Variants in INTS4 observed in about 807,000 individuals in gnomAD.
INTS4 encodes MSTP093.
Under a neutral mutation model 119.5 loss-of-function variants are expected in INTS4, and 70 were observed. That is an observed-to-expected ratio of 0.59 (90% confidence interval 0.48 to 0.71). The LOEUF is 0.71. Among genes scored for constraint, INTS4 ranks in the 30% least tolerant of loss-of-function variants. INTS4 has a pLI of 0.00. For missense variants in INTS4, 867 were observed against 1,173.2 expected, an observed-to-expected ratio of 0.74 and a Z score of 3.81; for synonymous variants, 316 against 419.6, an observed-to-expected ratio of 0.75 and a Z score of 3.02.
chr11:77,966,523 C>A (rs1855508881), intron 4 of INTS4, among the ~76,000 whole-genome samples: 1 of 152,190 alleles, frequency 6.6e-6, no homozygotes, highest in Non-Finnish European at 1.5e-5. Context: ...ATGACCACTT[C>A]TCCCAGCATC....
At chr11:77,906,700 C>T (rs1952963261) in intron 16 of INTS4, among the ~76,000 whole-genome samples, 1 of 152,202 alleles carries the variant, frequency 6.6e-6, no homozygotes, top group African/African-American at 2.4e-5. Flanking sequence ...TATAGGCACA[C>T]CTGCACAACT....
intron 18 of INTS4, among the ~76,000 whole-genome samples, chr11:77,897,497 T>C (rs1364674065): frequency 1.3e-5 from 2 of 150,370 alleles, no homozygotes; most frequent in African/African-American, 2.5e-5. Context: ...CTCCAAGTTA[T>C]TATTATTATT....
chr11:77,886,858 T>TA (rs1223807385), intron 21 of INTS4, among the ~76,000 whole-genome samples: 1 of 151,932 alleles, frequency 6.6e-6, no homozygotes, highest in African/African-American at 2.4e-5. Context: ...ACTGGGTACA[T>TA]AACGAAATGA....
intron 17 of INTS4, among the ~76,000 whole-genome samples, chr11:77,901,965 C>A (rs1952790654): frequency 6.6e-6 from 1 of 152,082 alleles, no homozygotes; most frequent in African/African-American, 2.4e-5. Context: ...TGTTAGTTAT[C>A]CTGACAGACT....
chr11:77,939,571 G>A (rs797000455), intron 9 of INTS4, among the ~76,000 whole-genome samples: 27 of 152,264 alleles, frequency 1.8e-4, no homozygotes, highest in African/African-American at 6.3e-4. Context: ...GCCTAAGGTG[G>A]AATATACTGG....
chr11:77,949,301 A>G (rs1449360100), intron 8 of INTS4, among the ~76,000 whole-genome samples: 2 of 152,130 alleles, frequency 1.3e-5, no homozygotes, highest in African/African-American at 2.4e-5. Context: ...TTCAGGACAT[A>G]GGCATGGGCA....
chr11:77,978,782 T>C (rs1856060589), intron 4 of INTS4: 2 of 278,970 alleles, frequency 7.2e-6, no homozygotes, highest in Non-Finnish European at 7.0e-6. Context: ...GAGTGCATTA[T>C]TAGGCACAAT....
At chr11:77,964,981 C>T (rs1855437101) in intron 4 of INTS4, among the ~76,000 whole-genome samples, 1 of 152,118 alleles carries the variant, frequency 6.6e-6, no homozygotes, top group South Asian at 2.1e-4. Context: ...TACATGTATG[C>T]AATGTGGAAT....
intron 2 of INTS4, among the ~76,000 whole-genome samples, chr11:77,988,019 A>T (rs1312861882): frequency 1.7e-5 from 2 of 115,766 alleles, no homozygotes; most frequent in African/African-American, 5.3e-5. Context: ...AGCCAGTCTC[A>T]TAACCCAGTC....
rs1856219266 is a variant in INTS4 at position 77,981,519 on chromosome 11, T to G, written c.304A>C (p.Thr102Pro). Residue 102 changes from threonine (T) to proline (P), a missense_variant, in exon 3 of 23, where the codon ACA becomes CCA. Thr to Pro is a conservative substitution (Grantham distance 38). Around this residue, in one of 5 missense-constraint regions of INTS4, gnomAD observed 224 missense variants for 231.8 expected, o/e 0.97. Coordinates refer to ENST00000534064, the MANE Select transcript of INTS4 (RefSeq NM_033547.4). The part of the protein sequence containing the change: ...IASLLGLLSK[T>P]AGFSPDCIMD... ...ATGCAGTCTGGTGAAAATCCTGCTGTCTTTGATAATAAACCCAACAATGAT... is the reference window on the plus strand; with the variant it reads ...ATGCAGTCTGGTGAAAATCCTGCTGGCTTTGATAATAAACCCAACAATGAT... 1 of 1,586,058 alleles carries G rather than the reference T, an allele frequency of 6.3e-7. No homozygotes were observed. The highest frequency in any genetic ancestry group is 8.6e-7 in the Non-Finnish European group (1 of 1,165,152).
chr11:77,963,454 T>C (rs1166904575), intron 4 of INTS4: 1 of 432,476 alleles, frequency 2.3e-6, no homozygotes, highest in Non-Finnish European at 4.5e-6. Flanking sequence ...GCAGATGCTA[T>C]TTGGGTGTTA....
At chr11:77,919,709 C>G (rs916585531) in intron 14 of INTS4, among the ~76,000 whole-genome samples, 1 of 152,110 alleles carries the variant, frequency 6.6e-6, no homozygotes, top group Non-Finnish European at 1.5e-5. Context: ...TTTGGCCTAG[C>G]CCTACAGATA....
chr11:77,904,728 G>A (rs1591037881), intron 16 of INTS4, among the ~76,000 whole-genome samples: 1 of 152,068 alleles, frequency 6.6e-6, no homozygotes, highest in East Asian at 1.9e-4. Flanking sequence ...ATTAAGTTTG[G>A]GGATTAGATC....
intron 10 of INTS4, among the ~76,000 whole-genome samples, chr11:77,935,201 A>G (rs1181565558): frequency 2.0e-5 from 3 of 152,246 alleles, no homozygotes; most frequent in Non-Finnish European, 4.4e-5. Context: ...AGACAGAGAC[A>G]AAATATATGA....
At chr11:77,887,980 T>G (rs1184752883) in intron 21 of INTS4, among the ~76,000 whole-genome samples, 1 of 152,130 alleles carries the variant, frequency 6.6e-6, no homozygotes, top group Admixed American at 6.6e-5. Context: ...ATCAATATTG[T>G]GAAAATGGCC....
chr11:77,891,969 C>T, intron 19 of INTS4, 129 bp from the exon 20 acceptor site: 2 of 1,454,652 alleles, frequency 1.4e-6, no homozygotes, highest in Admixed American at 2.1e-5. Flanking sequence ...CAGTTTACGA[C>T]CAAGATAGAC....
intron 19 of INTS4, among the ~76,000 whole-genome samples, chr11:77,892,333 C>T (rs2136397244): frequency 1.3e-5 from 2 of 152,248 alleles, no homozygotes; most frequent in Middle Eastern, 6.8e-3. Flanking sequence ...TACGTTACTC[C>T]TGGCTCAGAC....
chr11:77,956,138 G>C, intron 7 of INTS4, 76 bp from the exon 8 acceptor site: 2 of 1,520,568 alleles, frequency 1.3e-6, no homozygotes, highest in Non-Finnish European at 1.8e-6. Context: ...GCCAGGCACA[G>C]TGGCTCACAT....
chr11:77,875,828 C>T (rs1167031268), downstream of INTS4, among the ~76,000 whole-genome samples: 1 of 152,152 alleles, frequency 6.6e-6, no homozygotes, highest in East Asian at 1.9e-4. Flanking sequence ...AGCACATTCC[C>T]AGGCTCAGCA....
Sources: gnomAD v4.1 joint callset for allele counts (sites outside exome capture counted in the v4.1 genomes callset) on GRCh38, gnomAD v4.1.1 for gene constraint, gnomAD v4.1.1 regional missense constraint, MANE v1.5 for transcripts, NCBI Gene and HGNC (gene_info 2026-07-23, HGNC 2026-07-21) for gene names.